Variants in PLEKHA6 observed in about 807,000 individuals in gnomAD.
PLEKHA6 encodes the protein pleckstrin homology domain containing A6, also known as pleckstrin homology domain-containing family A member 6.
PLEKHA6 carries 60 observed loss-of-function variants against 116.7 expected under a neutral mutation model. The observed-to-expected ratio is 0.51, with a 90% confidence interval of 0.42 to 0.64. PLEKHA6 has a LOEUF of 0.64. Ranked by LOEUF, PLEKHA6 falls within the 30% of genes least tolerant of loss-of-function variation. PLEKHA6 has a pLI of 0.00. For synonymous variants in PLEKHA6, 489 were observed against 556.1 expected, an observed-to-expected ratio of 0.88 and a Z score of 1.70; for missense variants, 1,338 against 1,422.7, an observed-to-expected ratio of 0.94 and a Z score of 0.96.
chr1:204,278,503 AG>A (rs2102940805), intron 1 of PLEKHA6, among the ~76,000 whole-genome samples: 1 of 152,370 alleles, frequency 6.6e-6, no homozygotes, highest in African/African-American at 2.4e-5. Flanking sequence ...ACTGAAAGGA[AG>A]GGGCTAATCT....
chr1:204,308,758 G>A (rs1184770737), intron 1 of PLEKHA6, among the ~76,000 whole-genome samples: 1 of 122,750 alleles, frequency 8.1e-6, no homozygotes, highest in African/African-American at 3.2e-5. Context: ...GCACAATCTT[G>A]GCTCACTGCA....
In PLEKHA6 at chr1:204,257,846, G is replaced by C. The variant is rs749573581; in HGVS notation, c.1031C>G (p.Ser344Cys). ...LRSPSRFYPV[S>C]RRVPEYYGPY... ...GCCATAGTACTCAGGGACCCTGCGA[G>C]ACACAGGATAGAACCTAGAGGGACT... The change falls in exon 9 of 23, where the codon TCT becomes TGT. Residue 344 changes from serine to cysteine, a missense_variant. Ser to Cys is a moderately radical substitution (Grantham distance 112). Around this residue, in one of 3 missense-constraint regions of PLEKHA6, gnomAD observed 1,136 missense variants for 1,163.6 expected, o/e 0.98. Transcript: ENST00000272203. The surrounding 1 kb of genome is among the most constrained non-coding windows in gnomAD (Gnocchi z 6.5). 2 of 1,612,902 alleles carry C rather than the reference G, an allele frequency of 1.2e-6. No individual in the cohort carries two copies. The highest frequency in any genetic ancestry group is 1.7e-6 in the Non-Finnish European group (2 of 1,179,240).
Position 204,245,715 on chromosome 1 carries a change from C to T in PLEKHA6, c.1932G>A (p.Leu644=). ...AGATCTCCTTTTGGATTTGCCGGTTCAGCACCTCATTCTGAAGCAGCCACA... is the reference window on the plus strand; with the variant it reads ...AGATCTCCTTTTGGATTTGCCGGTTTAGCACCTCATTCTGAAGCAGCCACA... The part of the protein sequence containing the change: ...QLNLDTQNEV[L]NRQIQKEIWR... Residue 644 remains leucine, a synonymous_variant, in exon 14 of 23, where the codon CTG becomes CTA. Transcript: ENST00000272203. 6.2e-7 allele frequency: 1 copy of T among 1,611,548 alleles called. No individual in the cohort carries two copies. The highest frequency in any genetic ancestry group is 8.5e-7 in the Non-Finnish European group (1 of 1,178,314).
chr1:204,368,714 G>C (rs1335638212), intron 2 of PLEKHA6: 1 of 152,440 alleles, frequency 6.6e-6, no homozygotes, highest in African/African-American at 2.4e-5. Flanking sequence ...CCTTTTGAGA[G>C]ACCCAAGAGA....
At position 204,261,866 on chromosome 1, in the gene PLEKHA6, G is replaced by A. The variant is rs1666161352; in HGVS notation, c.382-418C>T. The A allele has an allele frequency of 3.6e-6, 1 of 278,842 alleles. No individual in the cohort carries two copies. The highest frequency in any genetic ancestry group is 6.7e-6 in the Non-Finnish European group (1 of 149,482). The allele number at this position is 278,842 out of a possible 1,614,324, so 17.3% of individuals were successfully genotyped here. ...ATCTTAGCCCCAGCTTCACTGCTGAGAAGCTAGCACTGTCTCTTCCACGTG... is the reference window on the plus strand; with the variant it reads ...ATCTTAGCCCCAGCTTCACTGCTGAAAAGCTAGCACTGTCTCTTCCACGTG... On this transcript the variant is annotated intron_variant, in intron 6 of 22. Transcript: ENST00000272203. The surrounding 1 kb of genome is among the most constrained non-coding windows in gnomAD (Gnocchi z 4.0).
At chr1:204,286,591 G>A (rs1669200804) in intron 1 of PLEKHA6, among the ~76,000 whole-genome samples, 1 of 152,164 alleles carries the variant, frequency 6.6e-6, no homozygotes, top group African/African-American at 2.4e-5. Flanking sequence ...AATAAGACCA[G>A]CTGCACAATT....
chr1:204,241,804 T>C lies in PLEKHA6; in HGVS notation c.2183A>G (p.Asn728Ser), dbSNP rs1478237199. 1 of 1,614,042 alleles carries C rather than the reference T, an allele frequency of 6.2e-7. No individual in the cohort carries two copies. Among genetic ancestry groups the C allele is most frequent in the Non-Finnish European group, 8.5e-7 (1 of 1,180,022 alleles). The change falls in exon 16 of 23, where the codon AAC becomes AGC. Residue 728 changes from asparagine to serine, a missense_variant. Asn to Ser is a conservative substitution (Grantham distance 46). Coordinates refer to ENST00000272203, the MANE Select transcript of PLEKHA6 (RefSeq NM_014935.5). Reference sequence around the variant, plus strand: ...GGGGTCTTTCTTGCTTTGTTCATAGTTTGCCTTGGGCTGGGGAGAAAGGGT... The same window carrying C: ...GGGGTCTTTCTTGCTTTGTTCATAGCTTGCCTTGGGCTGGGGAGAAAGGGT... Reference protein sequence around the residue: ...TKPGSNEPKANYEQSKKDPHQ... With the variant: ...TKPGSNEPKASYEQSKKDPHQ...
chr1:204,247,935 A>C (rs185989691), intron 12 of PLEKHA6, among the ~76,000 whole-genome samples: 2 of 141,278 alleles, frequency 1.4e-5, no homozygotes, highest in Non-Finnish European at 3.0e-5. Flanking sequence ...CCTGGGTGAC[A>C]CAGTGAGACC....
At chr1:204,374,825 C>T (rs1673838169) in intron 1 of PLEKHA6, among the ~76,000 whole-genome samples, 1 of 152,154 alleles carries the variant, frequency 6.6e-6, no homozygotes, top group African/African-American at 2.4e-5. Flanking sequence ...CCTAGCTTTC[C>T]CCACTTTCTG....
At chr1:204,324,726 T>C (rs1672183817) in intron 1 of PLEKHA6, among the ~76,000 whole-genome samples, 1 of 152,192 alleles carries the variant, frequency 6.6e-6, no homozygotes, top group South Asian at 2.1e-4. Flanking sequence ...GGTGTTTTTA[T>C]CTGACCTGAG....
intron 1 of PLEKHA6, among the ~76,000 whole-genome samples, chr1:204,353,162 A>G (rs569218579): frequency 1.3e-5 from 2 of 152,314 alleles, no homozygotes; most frequent in East Asian, 1.9e-4. Flanking sequence ...CACTCAGCCA[A>G]TCAAAAAGCA....
At chr1:204,357,044 A>G (rs1246927090) in intron 1 of PLEKHA6, among the ~76,000 whole-genome samples, 1 of 152,248 alleles carries the variant, frequency 6.6e-6, no homozygotes, top group East Asian at 1.9e-4. Context: ...CCACACACGG[A>G]CTATTATATA....
chr1:204,320,779 T>G (rs1672033069), intron 1 of PLEKHA6, among the ~76,000 whole-genome samples: 1 of 152,200 alleles, frequency 6.6e-6, no homozygotes, highest in Non-Finnish European at 1.5e-5. Flanking sequence ...GAGCTCGATC[T>G]CTAGGGTATG....
intron 17 of PLEKHA6, among the ~76,000 whole-genome samples, chr1:204,232,619 T>C (rs764374265): frequency 6.6e-6 from 1 of 152,012 alleles, no homozygotes; most frequent in East Asian, 1.9e-4. Flanking sequence ...AAATGGAAAA[T>C]GAAAATAACT....
intron 1 of PLEKHA6, among the ~76,000 whole-genome samples, chr1:204,373,492 T>C (rs895272247): frequency 9.2e-5 from 14 of 152,170 alleles, no homozygotes; most frequent in African/African-American, 3.4e-4. Context: ...AGCACTGGGA[T>C]TACAGTGTGA....
intron 1 of PLEKHA6, chr1:204,313,653 C>T: frequency 1.0e-6 from 1 of 984,970 alleles, no homozygotes; most frequent in Non-Finnish European, 1.2e-6. Flanking sequence ...TCTCCACCTC[C>T]ATGCCCCCAT....
intron 1 of PLEKHA6, among the ~76,000 whole-genome samples, chr1:204,302,102 C>T (rs967291882): frequency 1.3e-5 from 2 of 152,168 alleles, no homozygotes; most frequent in African/African-American, 4.8e-5. Flanking sequence ...TTCTTAGAAA[C>T]GCCCTACTGT....
Position 204,223,373 on chromosome 1 carries a change from C to G in PLEKHA6, c.*8+89G>C, listed in dbSNP as rs182128876. On this transcript the variant is annotated intron_variant, in intron 22 of 22. Coordinates refer to ENST00000272203, the MANE Select transcript of PLEKHA6 (RefSeq NM_014935.5). This position sits in a 1 kb window ranked among gnomAD's most constrained non-coding sequence, Gnocchi z 4.8. ...GCACTGGGGTAGGGGAGAAGCAATA[C>G]CAAAATGAGAGGGCATAGATGGCTC... 8 of 733,936 alleles carry G rather than the reference C, an allele frequency of 1.1e-5. No individual in the cohort carries two copies. Among genetic ancestry groups the G allele is most frequent in the Non-Finnish European group, 2.0e-5 (8 of 401,240 alleles). The allele number at this position is 733,936 out of a possible 1,614,324, so 45.5% of individuals were successfully genotyped here.
intron 1 of PLEKHA6, among the ~76,000 whole-genome samples, chr1:204,293,890 T>C (rs1174219494): frequency 6.6e-6 from 1 of 152,206 alleles, no homozygotes; most frequent in Non-Finnish European, 1.5e-5. Context: ...TGAGGGACTT[T>C]CCAGACTGAG....
Sources: gnomAD v4.1 joint callset for allele counts (sites outside exome capture counted in the v4.1 genomes callset) on GRCh38, gnomAD v4.1.1 for gene constraint, gnomAD v4.1.1 regional missense constraint, Gnocchi (gnomAD v3.1) non-coding constraint, MANE v1.5 for transcripts, NCBI Gene and HGNC (gene_info 2026-07-23, HGNC 2026-07-21) for gene names.